The following LINGO2 variants were observed in gnomAD, a reference collection of about 807,000 sequenced individuals.
The protein encoded by LINGO2 is leucine rich repeat and Ig domain containing 2, also known as leucine-rich repeat and immunoglobulin-like domain-containing nogo receptor-interacting protein 2.
LINGO2 carries 14 observed loss-of-function variants against 30.6 expected under a neutral mutation model. That is an observed-to-expected ratio of 0.46 (90% confidence interval 0.30 to 0.72). The LOEUF (loss-of-function observed/expected upper bound fraction) is 0.72. Ranked by LOEUF, LINGO2 falls within the 30% of genes least tolerant of loss-of-function variation. The probability of loss-of-function intolerance (pLI) is 0.07; values close to 1 mark genes in which losing one functional copy is unlikely to be tolerated. For missense variants in LINGO2, 729 were observed against 751.7 expected, an observed-to-expected ratio of 0.97 and a Z score of 0.35; for synonymous variants, 317 against 288.5, an observed-to-expected ratio of 1.10 and a Z score of -1.00.
At chr9:28,901,852 A>G in the LINGO2 span, among the ~76,000 whole-genome samples, 1 of 152,114 alleles carries the variant, frequency 6.6e-6, no homozygotes, top group Non-Finnish European at 1.5e-5. Flanking sequence ...ATATTTACCT[A>G]TCAGTAATTA....
At chr9:28,937,718 T>A in the LINGO2 span, among the ~76,000 whole-genome samples, 1 of 152,134 alleles carries the variant, frequency 6.6e-6, no homozygotes. Flanking sequence ...CACCTTTGCA[T>A]CTGTGGGTTC....
chr9:28,023,362 G>C (rs1823227420), intron 4 of LINGO2, among the ~76,000 whole-genome samples: 1 of 152,104 alleles, frequency 6.6e-6, no homozygotes, highest in Non-Finnish European at 1.5e-5. Flanking sequence ...CCTAATAGAG[G>C]AATTAGAGGC....
chr9:28,257,089 T>C (rs1043156305), intron 4 of LINGO2, among the ~76,000 whole-genome samples: 1 of 149,124 alleles, frequency 6.7e-6, no homozygotes, highest in African/African-American at 2.4e-5. Flanking sequence ...TTTAAGTTAC[T>C]TTTAGTTTTT....
chr9:28,768,612 G>C, the LINGO2 span, among the ~76,000 whole-genome samples: 7 of 55,930 alleles, frequency 1.3e-4, no homozygotes, highest in East Asian at 3.8e-3. Flanking sequence ...AGACAGACTG[G>C]GACACACACA....
At chr9:28,537,875 A>G (rs1402128273) in intron 1 of LINGO2, among the ~76,000 whole-genome samples, 1 of 151,914 alleles carries the variant, frequency 6.6e-6, no homozygotes, top group Non-Finnish European at 1.5e-5. Flanking sequence ...TAAATTAAAA[A>G]AAAAAAAAAC....
chr9:28,543,657 T>C (rs1042531691), intron 1 of LINGO2, among the ~76,000 whole-genome samples: 1 of 152,144 alleles, frequency 6.6e-6, no homozygotes, highest in Non-Finnish European at 1.5e-5. Context: ...AGTGTGGGTC[T>C]ACATGCTTTT....
At chr9:28,945,332 T>C in the LINGO2 span, among the ~76,000 whole-genome samples, 2 of 152,222 alleles carry the variant, frequency 1.3e-5, no homozygotes, top group African/African-American at 2.4e-5. Flanking sequence ...AGAAACCCTA[T>C]TATTAACTTG....
chr9:28,993,526 A>G, the LINGO2 span, among the ~76,000 whole-genome samples: 1 of 151,970 alleles, frequency 6.6e-6, no homozygotes, highest in Non-Finnish European at 1.5e-5. Flanking sequence ...TGAGGCCAGC[A>G]TCATCCTGAT....
At chr9:29,027,351 T>G in the LINGO2 span, among the ~76,000 whole-genome samples, 3 of 152,208 alleles carry the variant, frequency 2.0e-5, no homozygotes, top group East Asian at 1.9e-4. Context: ...TTTAATTATT[T>G]ATTTGAGACA....
At chr9:28,283,691 C>T (rs1329970811) in intron 4 of LINGO2, among the ~76,000 whole-genome samples, 1 of 152,110 alleles carries the variant, frequency 6.6e-6, no homozygotes, top group African/African-American at 2.4e-5. Context: ...GTCTCAGCTT[C>T]TTCATCTTGA....
the LINGO2 span, among the ~76,000 whole-genome samples, chr9:28,733,866 C>G: frequency 6.6e-6 from 1 of 152,024 alleles, no homozygotes; most frequent in African/African-American, 2.4e-5. Flanking sequence ...ATGCAACAAC[C>G]TTTACGGAGT....
the LINGO2 span, among the ~76,000 whole-genome samples, chr9:29,207,064 T>G: frequency 1.3e-5 from 2 of 151,840 alleles, no homozygotes; most frequent in Non-Finnish European, 2.9e-5. Flanking sequence ...AATATACATA[T>G]GTACATACAT....
At chr9:28,976,681 T>C in the LINGO2 span, among the ~76,000 whole-genome samples, 2 of 152,068 alleles carry the variant, frequency 1.3e-5, no homozygotes, top group South Asian at 2.1e-4. Flanking sequence ...CTATATAAGA[T>C]ATTGGTGTTA....
chr9:28,028,066 A>G (rs550984009), intron 4 of LINGO2, among the ~76,000 whole-genome samples: 5 of 152,206 alleles, frequency 3.3e-5, no homozygotes, highest in Non-Finnish European at 5.9e-5. Context: ...GGCACCAAGA[A>G]TTCAGAGAAG....
chr9:28,092,737 G>GA (rs1826133123), intron 4 of LINGO2, among the ~76,000 whole-genome samples: 1 of 151,662 alleles, frequency 6.6e-6, no homozygotes, highest in East Asian at 1.9e-4. Context: ...AATTAAAAAA[G>GA]AAAAAACTGA....
At chr9:28,884,877 C>T in the LINGO2 span, among the ~76,000 whole-genome samples, 2 of 134,034 alleles carry the variant, frequency 1.5e-5, no homozygotes, top group Non-Finnish European at 3.1e-5. Flanking sequence ...CACACATATA[C>T]ACTATATATG....
chr9:28,638,170 C>A (rs987634930), intron 1 of LINGO2, among the ~76,000 whole-genome samples: 1 of 152,118 alleles, frequency 6.6e-6, no homozygotes, highest in African/African-American at 2.4e-5. Flanking sequence ...AGGGATGAAG[C>A]CCACTGGATT....
intron 4 of LINGO2, among the ~76,000 whole-genome samples, chr9:28,138,887 G>A (rs1018721877): frequency 6.6e-6 from 1 of 152,146 alleles, no homozygotes; most frequent in Non-Finnish European, 1.5e-5. Context: ...GAAGGAGAGA[G>A]AAGTATCAAC....
intron 2 of LINGO2, among the ~76,000 whole-genome samples, chr9:28,473,826 T>G (rs1400142728): frequency 2.6e-5 from 4 of 152,178 alleles, no homozygotes; most frequent in Non-Finnish European, 5.9e-5. Flanking sequence ...GTGTCAGTTT[T>G]GAATATTATC....
Sources: gnomAD v4.1 joint callset for allele counts (sites outside exome capture counted in the v4.1 genomes callset) on GRCh38, gnomAD v4.1.1 for gene constraint, MANE v1.5 for transcripts, NCBI Gene and HGNC (gene_info 2026-07-23, HGNC 2026-07-21) for gene names.